Variants in KIFC3 observed in about 807,000 individuals in gnomAD.
KIFC3 encodes the protein kinesin family member C3.
A neutral mutation model predicts 101.8 loss-of-function variants in KIFC3; 60 were observed. That is an observed-to-expected ratio of 0.59 (90% CI 0.48 to 0.73). KIFC3 has a LOEUF of 0.73. KIFC3 is among the 30% of genes least tolerant of loss of function. KIFC3 has a pLI of 0.00. For missense variants in KIFC3, 966 were observed against 1,137.1 expected, an observed-to-expected ratio of 0.85 and a Z score of 2.16; for synonymous variants, 476 against 482.7, an observed-to-expected ratio of 0.99 and a Z score of 0.18.
chr16:57,855,672 G>A (rs1309090097), intron 1 of KIFC3, among the ~76,000 whole-genome samples: 3 of 152,084 alleles, frequency 2.0e-5, no homozygotes, highest in East Asian at 3.9e-4. Flanking sequence ...TTGGCCAGGT[G>A]TGGTGGCTCA....
At chr16:57,788,751 C>T (rs1386032844) in intron 3 of KIFC3, 3 of 1,287,408 alleles carry the variant, frequency 2.3e-6, no homozygotes, top group African/African-American at 3.0e-5. Context: ...GTGAAGGAGA[C>T]TGTGCCAGGG....
At chr16:57,808,200 C>T (rs1337360600), upstream of KIFC3, among the ~76,000 whole-genome samples, 1 of 151,900 alleles carries the variant, frequency 6.6e-6, no homozygotes, top group African/African-American at 2.4e-5. Context: ...TTTATCATTT[C>T]CTGTAGTCTT....
At chr16:57,803,057 A>AC (rs200602171), upstream of KIFC3, 2,960 of 1,535,344 alleles carry the variant, frequency 1.9e-3, 42 homozygotes, top group African/African-American at 0.034. Flanking sequence ...TCGCTCCACC[A>AC]CCTACTCGCT....
At position 57,760,758 on chromosome 16, in the gene KIFC3, T is replaced by C; in HGVS notation, c.2200A>G (p.Ser734Gly). 6.2e-7 allele frequency: 1 copy of C among 1,613,840 alleles called. No homozygotes were observed. The highest frequency in any genetic ancestry group is 8.5e-7 in the Non-Finnish European group (1 of 1,179,992). ...ACCATGAGGGTCTTGCTGTCACCAC[T>C]AAGCGAATCCTGCAGCAGGTAGGTG... The part of the protein sequence containing the change: ...KLTYLLQDSL[S>G]GDSKTLMVVQ... The change falls in exon 16 of 20, where the codon AGT becomes GGT. Residue 734 changes from serine to glycine, a missense_variant. This residue lies in a region of KIFC3 where 689 missense variants were observed against 884.6 expected (regional missense o/e 0.78). Transcript: ENST00000445690.
upstream of KIFC3, among the ~76,000 whole-genome samples, chr16:57,805,330 C>G (rs912563288): frequency 7.9e-5 from 12 of 152,148 alleles, no homozygotes; most frequent in Non-Finnish European, 1.5e-4. Flanking sequence ...AACTACGTAC[C>G]AACTCCAAGG....
chr16:57,800,691 G>A (rs1193952777), intron 1 of KIFC3, among the ~76,000 whole-genome samples: 3 of 152,170 alleles, frequency 2.0e-5, no homozygotes, highest in African/African-American at 4.8e-5. Flanking sequence ...GGAAGATATC[G>A]GGAAGAAAGA....
chr16:57,764,099 T>C (rs1555600369), intron 12 of KIFC3, 44 bp downstream of exon 12: 4 of 1,414,274 alleles, frequency 2.8e-6, no homozygotes, highest in Non-Finnish European at 4.0e-6. Flanking sequence ...CCGCATTCCC[T>C]TCATGCTTCA....
intron 1 of KIFC3, among the ~76,000 whole-genome samples, chr16:57,859,750 G>A (rs1336162822): frequency 1.3e-5 from 2 of 152,100 alleles, no homozygotes; most frequent in Non-Finnish European, 2.9e-5. Flanking sequence ...AAGGCAGGGT[G>A]CAGTGACTCA....
At chr16:57,770,119 A>G (rs1342128703) in intron 7 of KIFC3, among the ~76,000 whole-genome samples, 164 bp from the exon 8 acceptor site, 1 of 152,140 alleles carries the variant, frequency 6.6e-6, no homozygotes, top group East Asian at 1.9e-4. Flanking sequence ...CTCCCCCTAC[A>G]GGGCTGTGAG....
intron 3 of KIFC3, chr16:57,781,699 G>A (rs979130695): frequency 3.2e-5 from 5 of 154,312 alleles, no homozygotes; most frequent in African/African-American, 1.2e-4. Flanking sequence ...TAACTGAGTT[G>A]GCTTTGCCAG....
rs1311982207 is a variant in KIFC3, at chr16:57,766,762, C to G, written c.1330+112G>C. ...CTCTGTGCCTCTGTTTCCTTATCTA[C>G]AGAGATAGGATTAGAATAGTGCCTC... On this transcript the variant is annotated intron_variant, in intron 10 of 19. Transcript: ENST00000445690. 16 of 668,604 alleles carry G rather than the reference C, an allele frequency of 2.4e-5. No individual in the cohort carries two copies. The Admixed American group carries it at 4.0e-4, about 17-fold the overall frequency. The allele number at this position is 668,604 out of a possible 1,614,324, so 41.4% of individuals were successfully genotyped here.
Position 57,768,509 on chromosome 16 carries a change from T to TCA in KIFC3, c.1218+1084_1218+1085dup, listed in dbSNP as rs61591593. ...TGGGGGAAGGGCCTACCATATATTC[T>TCA]CACACACACACACACACACACACAC... On this transcript the variant is annotated intron_variant, in intron 9 of 19. Transcript: ENST00000445690. Among the ~76,000 whole-genome samples, 157 of 139,126 alleles carry TCA rather than the reference T, an allele frequency of 1.1e-3. 2 individuals are homozygous for TCA. Among genetic ancestry groups the TCA allele is most frequent in the East Asian group, 0.011 (55 of 4,890 alleles). The allele number at this position is 139,126 out of a possible 152,430, so 91.3% of individuals were successfully genotyped here.
intron 3 of KIFC3, among the ~76,000 whole-genome samples, chr16:57,783,765 G>A (rs1555616162): frequency 1.3e-5 from 2 of 151,960 alleles, no homozygotes; most frequent in Admixed American, 6.6e-5. Flanking sequence ...GAGCTACCAC[G>A]CCCAGCCCAC....
chr16:57,841,991 C>A (rs533697564), intron 1 of KIFC3, among the ~76,000 whole-genome samples: 15 of 152,108 alleles, frequency 9.9e-5, no homozygotes, highest in Admixed American at 3.9e-4. Context: ...CTTCCCTGAC[C>A]ATCCCCACCG....
At chr16:57,813,941 C>A in intron 1 of KIFC3, 2 of 776,160 alleles carry the variant, frequency 2.6e-6, no homozygotes, top group Non-Finnish European at 1.6e-6. Flanking sequence ...GTCACTCCTG[C>A]TTATTCTTCC....
At chr16:57,829,752 T>G (rs1047575726) in intron 1 of KIFC3, among the ~76,000 whole-genome samples, 6 of 152,048 alleles carry the variant, frequency 3.9e-5, no homozygotes, top group African/African-American at 1.4e-4. Context: ...CAGGGTAATC[T>G]CACGGAGCTG....
chr16:57,794,376 C>T (rs146709369), intron 3 of KIFC3, among the ~76,000 whole-genome samples: 55 of 152,034 alleles, frequency 3.6e-4, no homozygotes, highest in African/African-American at 1.2e-3. Flanking sequence ...TAGGAACCAC[C>T]ATGCCCAGCT....
chr16:57,803,004 G>A (rs2054838704), upstream of KIFC3: 5 of 1,535,816 alleles, frequency 3.3e-6, no homozygotes, highest in Non-Finnish European at 4.4e-6. Context: ...TGCACGCGCT[G>A]GCGCACATGC....
At chr16:57,797,828 C>G (rs1409964949) in intron 2 of KIFC3, 1 of 1,423,690 alleles carries the variant, frequency 7.0e-7, no homozygotes. Context: ...GCTCTGTGCC[C>G]GACCCGTGTT....
Sources: allele counts gnomAD v4.1 joint callset (sites outside exome capture counted in the v4.1 genomes callset), GRCh38; gene constraint gnomAD v4.1.1; regional missense constraint gnomAD v4.1.1; transcripts MANE v1.5; gene names NCBI Gene and HGNC (gene_info 2026-07-23, HGNC 2026-07-21).